CTNNB1: variants seen among roughly 807,000 people sequenced by gnomAD.
CTNNB1 encodes catenin beta 1.
Under a neutral mutation model 82.5 loss-of-function variants are expected in CTNNB1, and 6 were observed. That is an observed-to-expected ratio of 0.07 (90% CI 0.04 to 0.14). The LOEUF (loss-of-function observed/expected upper bound fraction) is 0.14, where lower values mean the gene tolerates loss of function less well. CTNNB1 is among the 10% of genes least tolerant of loss of function. The pLI, the probability that CTNNB1 is intolerant of heterozygous loss-of-function variation, is 1.00. For missense variants in CTNNB1, 529 were observed against 980.4 expected (o/e 0.54, Z 6.15); for synonymous variants, 312 against 329.7 (o/e 0.95, Z 0.58).
intron 1 of CTNNB1, among the ~76,000 whole-genome samples, chr3:41,207,370 A>G (rs1398799556): frequency 6.6e-6 from 1 of 152,160 alleles, no homozygotes; most frequent in Non-Finnish European, 1.5e-5. Context: ...GTTTTTCCTT[A>G]TTGCCATTAT....
chr3:41,209,488 T>G (rs143803220), intron 1 of CTNNB1, among the ~76,000 whole-genome samples: 51 of 152,370 alleles, frequency 3.3e-4, no homozygotes, highest in African/African-American at 1.1e-3. Flanking sequence ...ACCACGTATC[T>G]GAATTCTCTC....
rs769381974 is a variant in CTNNB1 at position 41,238,031 on chromosome 3, C to T, written c.2092C>T (p.Leu698Phe). 3.1e-6 allele frequency: 5 copies of T among 1,613,752 alleles called. No individual in the cohort carries two copies. Among genetic ancestry groups the T allele is most frequent in the Admixed American group, 3.3e-5 (2 of 60,002 alleles). Residue 698 changes from leucine (L) to phenylalanine (F), a missense_variant, in exon 14 of 15, where the codon CTT (leucine) becomes TTT (phenylalanine). Around this residue, in one of 4 missense-constraint regions of CTNNB1, gnomAD observed 102 missense variants for 130.8 expected, o/e 0.78. Transcript: ENST00000349496. ...MAWNETADLG[L>F]DIGAQGEPLG... is the part of the protein sequence containing the mutation. The stretch of plus-strand genomic sequence containing the variant: ...GTTTATCTAGACTGCTGATCTTGGA[C>T]TTGATATTGGTGCCCAGGGAGAACC...
intron 1 of CTNNB1, chr3:41,210,982 AG>A (rs2077770274): frequency 4.4e-6 from 2 of 455,010 alleles, no homozygotes; most frequent in East Asian, 1.4e-4. Flanking sequence ...TTGTAGAGAC[AG>A]GGTCTCACTC....
At position 41,225,994 on chromosome 3, in the gene CTNNB1, G is replaced by C. The variant is rs2125625365; in HGVS notation, c.936+133G>C. 4.1e-5 allele frequency: 33 copies of C among 796,012 alleles called. 3 individuals carry two copies. In the South Asian group the frequency reaches 4.7e-4, roughly 11 times the overall value. The allele number at this position is 796,012 out of a possible 1,614,324, so 49.3% of individuals were successfully genotyped here. On this transcript the variant is annotated intron_variant, in intron 6 of 14. Coordinates refer to ENST00000349496, the MANE Select transcript of CTNNB1 (RefSeq NM_001904.4). The surrounding 1 kb of genome is among the most constrained non-coding windows in gnomAD (Gnocchi z 5.3). Reference sequence around the variant, plus strand: ...TGGAAAACAGTTTTTCCATGAATGGGTTGTGGGAATGGTTTCTGGATGACA... The same window carrying C: ...TGGAAAACAGTTTTTCCATGAATGGCTTGTGGGAATGGTTTCTGGATGACA...
At chr3:41,204,211 GT>G (rs1415455254) in intron 1 of CTNNB1, among the ~76,000 whole-genome samples, 1 of 151,946 alleles carries the variant, frequency 6.6e-6, no homozygotes, top group African/African-American at 2.4e-5. Context: ...TTCCAAGTTG[GT>G]GCTTAGTATT....
At chr3:41,208,651 G>A (rs2077705332) in intron 1 of CTNNB1, among the ~76,000 whole-genome samples, 1 of 152,100 alleles carries the variant, frequency 6.6e-6, no homozygotes, top group Non-Finnish European at 1.5e-5. Flanking sequence ...TAACAATCTT[G>A]TCCCTCCCTG....
rs570479766 is a variant in CTNNB1, at chr3:41,239,219, C to T, written c.2223C>T (p.Gly741=). Reference sequence around the variant, plus strand: ...CCATGATGGAACATGAGATGGGTGGCCACCACCCTGGTGCTGACTATCCAG... The same window carrying T: ...CCATGATGGAACATGAGATGGGTGGTCACCACCCTGGTGCTGACTATCCAG... ...MDPMMEHEMG[G]HHPGADYPVD... The change falls in exon 15 of 15, where the codon GGC becomes GGT. Residue 741 remains glycine (G), a synonymous_variant. Coordinates refer to ENST00000349496, the MANE Select transcript of CTNNB1 (RefSeq NM_001904.4). 1.8e-5 allele frequency: 29 copies of T among 1,613,958 alleles called. No homozygotes were observed. The South Asian group carries it at 2.7e-4, about 15-fold the overall frequency.
chr3:41,200,233 T>C (rs925824146), intron 1 of CTNNB1: 5 of 152,244 alleles, frequency 3.3e-5, no homozygotes, highest in Non-Finnish European at 7.3e-5. Context: ...TGTTATTATT[T>C]TTTTTAATGC....
At chr3:41,222,321 G>T (rs1040826326) in intron 1 of CTNNB1, 4 of 152,182 alleles carry the variant, frequency 2.6e-5, no homozygotes, top group Admixed American at 2.6e-4. Flanking sequence ...GGCATATGTG[G>T]ATCTGCCTCC....
At chr3:41,217,038 C>A (rs1040938808) in intron 1 of CTNNB1, among the ~76,000 whole-genome samples, 1 of 152,168 alleles carries the variant, frequency 6.6e-6, no homozygotes, top group Admixed American at 6.5e-5. Context: ...ATGGGCATCC[C>A]AGTACACTTT....
chr3:41,231,487 A>G (rs1202024679), intron 7 of CTNNB1, among the ~76,000 whole-genome samples: 2 of 152,200 alleles, frequency 1.3e-5, no homozygotes, highest in Non-Finnish European at 2.9e-5. Flanking sequence ...TAAGATAGTT[A>G]CTACTCATGG....
At position 41,233,666 on chromosome 3, in the gene CTNNB1, G is replaced by A. The variant is rs1054383341; in HGVS notation, c.1323G>A (p.Val441=). Residue 441 remains valine (V), a synonymous_variant, in exon 9 of 15, where the codon GTG becomes GTA. Transcript: ENST00000349496. ...NYKNKMMVCQ[V]GGIEALVRTV... ...AGAACAAGATGATGGTCTGCCAAGT[G>A]GGTGGTATAGAGGCTCTTGTGCGTA... 1.2e-6 allele frequency: 2 copies of A among 1,614,128 alleles called. No individual in the cohort carries two copies. Among genetic ancestry groups the A allele is most frequent in the Non-Finnish European group, 1.7e-6 (2 of 1,180,032 alleles).
intron 1 of CTNNB1, among the ~76,000 whole-genome samples, chr3:41,220,038 C>T (rs1333935927): frequency 6.6e-6 from 1 of 152,028 alleles, no homozygotes; most frequent in Non-Finnish European, 1.5e-5. Flanking sequence ...AAAATGTCAT[C>T]ATTTACTGTG....
chr3:41,223,386 TAATA>T (rs17050830), intron 1 of CTNNB1, among the ~76,000 whole-genome samples: 3 of 152,312 alleles, frequency 2.0e-5, no homozygotes, highest in South Asian at 4.1e-4. Context: ...TTTGTATTTA[TAATA>T]AATCATTGCT....
chr3:41,208,679 C>G (rs1368012811), intron 1 of CTNNB1, among the ~76,000 whole-genome samples: 1 of 152,180 alleles, frequency 6.6e-6, no homozygotes, highest in African/African-American at 2.4e-5. Context: ...GCCCAGTGAT[C>G]TCTTGTATCT....
At chr3:41,203,415 A>G (rs1223158165) in intron 1 of CTNNB1, among the ~76,000 whole-genome samples, 1 of 152,170 alleles carries the variant, frequency 6.6e-6, no homozygotes, top group African/African-American at 2.4e-5. Context: ...TTGAGTAGGC[A>G]GTTCTGCTTA....
At position 41,215,347 on chromosome 3, in the gene CTNNB1, C is replaced by T. The variant is rs374488269; in HGVS notation, c.-48-8674C>T. 6.7e-5 allele frequency among the ~76,000 whole-genome samples: 9 copies of T among 133,680 alleles called. No homozygotes were observed. The East Asian group carries it at 1.7e-3, about 25-fold the overall frequency. The allele number at this position is 133,680 out of a possible 152,430, so 87.7% of individuals were successfully genotyped here. Reference sequence around the variant, plus strand: ...GCAGTGAGCCAAGATCGCGCCACTGCACTCCAGCCTGGGCAACAGAGTGAA... The same window carrying T: ...GCAGTGAGCCAAGATCGCGCCACTGTACTCCAGCCTGGGCAACAGAGTGAA... On this transcript the variant is annotated intron_variant, in intron 1 of 14. Coordinates refer to ENST00000349496, the MANE Select transcript of CTNNB1 (RefSeq NM_001904.4).
intron 1 of CTNNB1, among the ~76,000 whole-genome samples, chr3:41,216,480 A>G (rs773278216): frequency 4.1e-4 from 62 of 152,370 alleles, no homozygotes; most frequent in Non-Finnish European, 8.1e-4. Context: ...ATGTAAAGTG[A>G]CATTTGCTTA....
chr3:41,208,068 C>T (rs1488841787), intron 1 of CTNNB1, among the ~76,000 whole-genome samples: 2 of 152,158 alleles, frequency 1.3e-5, no homozygotes, highest in Non-Finnish European at 2.9e-5. Context: ...TTGTTCACTT[C>T]ATTAGCTCTT....
Sources: allele counts gnomAD v4.1 joint callset (sites outside exome capture counted in the v4.1 genomes callset), GRCh38; gene constraint gnomAD v4.1.1; regional missense constraint gnomAD v4.1.1; non-coding constraint Gnocchi (gnomAD v3.1); transcripts MANE v1.5; gene names NCBI Gene and HGNC (gene_info 2026-07-23, HGNC 2026-07-21).